PPP1R36: variants seen among roughly 807,000 people sequenced by gnomAD.
The protein encoded by PPP1R36 is chromosome 14 open reading frame 50.
A neutral mutation model predicts 53.4 loss-of-function variants in PPP1R36; 47 were observed. The ratio of observed to expected loss-of-function variants is 0.88; its 90% CI spans 0.70 to 1.12. The LOEUF is 1.12. PPP1R36 is among the 50% of genes most tolerant of loss of function. PPP1R36 has a pLI of 0.00. For synonymous variants in PPP1R36, 153 were observed against 170.5 expected, an observed-to-expected ratio of 0.90 and a Z score of 0.80; for missense variants, 456 against 513.9, an observed-to-expected ratio of 0.89 and a Z score of 1.09.
chr14:64,564,858 T>C (rs1455801034), intron 4 of PPP1R36, 21 bp downstream of exon 4: 3 of 1,505,042 alleles, frequency 2.0e-6, no homozygotes, highest in African/African-American at 2.8e-5. Context: ...TTCCCAATCA[T>C]GCCAGAGTTG....
chr14:64,580,035 C>T (rs1012609801), intron 8 of PPP1R36, among the ~76,000 whole-genome samples: 1 of 152,138 alleles, frequency 6.6e-6, no homozygotes, highest in African/African-American at 2.4e-5. Flanking sequence ...CACAGTGGCT[C>T]ATGCCTGTAA....
At chr14:64,559,877 G>C (rs1303684728) in intron 3 of PPP1R36, among the ~76,000 whole-genome samples, 1 of 152,076 alleles carries the variant, frequency 6.6e-6, no homozygotes, top group Non-Finnish European at 1.5e-5. Flanking sequence ...GCCAAGGCGA[G>C]GAAATACCTG....
chr14:64,566,038 G>A (rs200696417), intron 6 of PPP1R36, among the ~76,000 whole-genome samples: 15 of 152,222 alleles, frequency 9.9e-5, no homozygotes, highest in East Asian at 7.7e-4. Context: ...GGGAGGCCGA[G>A]GCAGGTGGAT....
At chr14:64,551,880 A>G (rs925102878) in intron 2 of PPP1R36, among the ~76,000 whole-genome samples, 2 of 152,208 alleles carry the variant, frequency 1.3e-5, no homozygotes, top group Admixed American at 6.5e-5. Context: ...AGCATGTTCA[A>G]AGAATCTGCT....
intron 10 of PPP1R36, 79 bp from the exon 11 acceptor site, chr14:64,588,025 T>G: frequency 1.7e-5 from 23 of 1,360,638 alleles, no homozygotes; most frequent in Non-Finnish European, 2.3e-5. Flanking sequence ...ATTACAGGCA[T>G]GAGCCACTGC....
chr14:64,577,907 A>C (rs1305852599), intron 8 of PPP1R36, among the ~76,000 whole-genome samples: 1 of 151,388 alleles, frequency 6.6e-6, no homozygotes. Context: ...TTGTATTTTT[A>C]GTAGAGACAG....
intron 3 of PPP1R36, among the ~76,000 whole-genome samples, chr14:64,563,208 C>T (rs920732896): frequency 2.6e-5 from 4 of 152,110 alleles, no homozygotes; most frequent in Admixed American, 1.3e-4. Flanking sequence ...CACTCTGTCA[C>T]CTAGGCTGGC....
chr14:64,574,696 G>C, intron 8 of PPP1R36, 107 bp downstream of exon 8: 1 of 1,229,286 alleles, frequency 8.1e-7, no homozygotes, highest in Non-Finnish European at 1.1e-6. Context: ...TCCTTTTTCT[G>C]TTGTCCAGAG....
intron 1 of PPP1R36, 117 bp downstream of exon 1, chr14:64,550,183 GGGCT>G: frequency 6.9e-7 from 1 of 1,457,492 alleles, no homozygotes; most frequent in Non-Finnish European, 9.1e-7. Flanking sequence ...CCTTCGCCCC[GGGCT>G]GGCGGTTCTC....
intron 8 of PPP1R36, among the ~76,000 whole-genome samples, chr14:64,578,906 A>G (rs1046843841): frequency 1.3e-5 from 2 of 152,226 alleles, no homozygotes; most frequent in Admixed American, 1.3e-4. Context: ...GTACGTTTAC[A>G]CCTTGGAATA....
chr14:64,574,548 G>A lies in PPP1R36; in HGVS notation c.627G>A (p.Leu209=), dbSNP rs1279039216. The A allele has an allele frequency of 1.2e-6, 2 of 1,613,916 alleles. No homozygotes were observed. Among genetic ancestry groups the A allele is most frequent in the East Asian group, 4.5e-5 (2 of 44,876 alleles). Residue 209 remains leucine (L), a synonymous_variant, in exon 8 of 12, where the codon CTG becomes CTA. Coordinates refer to ENST00000298705, the MANE Select transcript of PPP1R36 (RefSeq NM_172365.3). ...CGCAGAAGTACTGTATCCTTGTGCT[G>A]GGCTTGGCCGTGCCGGATAAGCATC... ...YLAQKYCILV[L]GLAVPDKHHM...
In PPP1R36 at chr14:64,583,754, C is replaced by G. The variant is rs1256593246; in HGVS notation, c.669-3083C>G. Among the ~76,000 whole-genome samples, 5 of 101,206 alleles carry G rather than the reference C, an allele frequency of 4.9e-5. No homozygotes were observed. The Admixed American group carries it at 5.9e-4, about 12-fold the overall frequency. 66.4% of individuals were successfully genotyped at this position (101,206 alleles called of 152,430 possible). A position where few individuals can be genotyped will look rare whatever the true frequency, so the allele number is the denominator to read the frequency against. ...GTTTGAACCCGGGAGGCAGAGGTTG[C>G]GGTGAGCCAAGATCGTGCCATTGCA... is the stretch of plus-strand genomic sequence containing the variant. On this transcript the variant is annotated intron_variant, in intron 8 of 11. Coordinates refer to ENST00000298705, the MANE Select transcript of PPP1R36 (RefSeq NM_172365.3).
At chr14:64,552,973 C>A in intron 3 of PPP1R36, 112 bp downstream of exon 3, 4 of 972,564 alleles carry the variant, frequency 4.1e-6, no homozygotes, top group Non-Finnish European at 3.1e-6. Flanking sequence ...TATTAAGTGC[C>A]AATTTTTTTT....
intron 3 of PPP1R36, among the ~76,000 whole-genome samples, chr14:64,554,141 TG>T (rs375699852): frequency 0.035 from 4,905 of 140,264 alleles, 222 homozygotes; most frequent in Non-Finnish European, 0.058. Flanking sequence ...CCATCACAAT[TG>T]TTTTTTTTTT....
At chr14:64,585,030 C>A (rs2140250254) in intron 8 of PPP1R36, among the ~76,000 whole-genome samples, 1 of 152,336 alleles carries the variant, frequency 6.6e-6, no homozygotes, top group South Asian at 2.1e-4. Flanking sequence ...CAGTAACCAC[C>A]TCTTTGGCCT....
At chr14:64,561,979 G>A (rs745740117) in intron 3 of PPP1R36, 25 of 352,306 alleles carry the variant, frequency 7.1e-5, no homozygotes, top group Non-Finnish European at 1.0e-4. Context: ...CTGCATTTAC[G>A]TGATGGATTC....
At chr14:64,567,468 A>G (rs1254168180) in intron 6 of PPP1R36, among the ~76,000 whole-genome samples, 1 of 152,264 alleles carries the variant, frequency 6.6e-6, no homozygotes, top group Non-Finnish European at 1.5e-5. Flanking sequence ...ATAATATCAT[A>G]GAAAGAGGTC....
intron 2 of PPP1R36, chr14:64,551,487 GAA>G (rs938616554): frequency 1.6e-4 from 55 of 337,342 alleles, no homozygotes; most frequent in African/African-American, 1.2e-3. Flanking sequence ...TAATCTCTAT[GAA>G]AAAAGACACT....
At chr14:64,576,759 G>T (rs2080345078) in intron 8 of PPP1R36, among the ~76,000 whole-genome samples, 1 of 152,184 alleles carries the variant, frequency 6.6e-6, no homozygotes, top group Non-Finnish European at 1.5e-5. Context: ...CACTCTTAAT[G>T]TGTATTCCTG....
Sources: allele counts gnomAD v4.1 joint callset (sites outside exome capture counted in the v4.1 genomes callset), GRCh38; gene constraint gnomAD v4.1.1; transcripts MANE v1.5; gene names NCBI Gene and HGNC (gene_info 2026-07-23, HGNC 2026-07-21).